RBMS3: variants seen among roughly 807,000 people sequenced by gnomAD.
RBMS3 encodes the protein RNA-binding motif, single-stranded-interacting protein 3.
RBMS3 carries 27 observed loss-of-function variants against 66.8 expected under a neutral mutation model. That is an observed-to-expected ratio of 0.40 (90% CI 0.30 to 0.56). The LOEUF (loss-of-function observed/expected upper bound fraction) is 0.56. Among genes scored for constraint, RBMS3 ranks in the 20% least tolerant of loss-of-function variants. The pLI, the probability that RBMS3 is intolerant of heterozygous loss-of-function variation, is 0.40. For missense variants in RBMS3, 513 were observed against 549.5 expected (o/e 0.93, Z 0.66); for synonymous variants, 188 against 183.0 (o/e 1.03, Z -0.22).
chr3:29,365,630 C>G (rs998182902), intron 1 of RBMS3, among the ~76,000 whole-genome samples: 1 of 152,138 alleles, frequency 6.6e-6, no homozygotes, highest in African/African-American at 2.4e-5. Context: ...AAAAGATCAC[C>G]TTTGCTCTCT....
At chr3:29,349,027 G>C (rs192555708) in intron 1 of RBMS3, among the ~76,000 whole-genome samples, 31 of 152,216 alleles carry the variant, frequency 2.0e-4, no homozygotes, top group African/African-American at 7.2e-4. Context: ...AGGAAGGTAG[G>C]GAAGTTCGTA....
At chr3:29,631,385 G>T (rs2049275945) in intron 4 of RBMS3, among the ~76,000 whole-genome samples, 1 of 151,720 alleles carries the variant, frequency 6.6e-6, no homozygotes, top group Non-Finnish European at 1.5e-5. Context: ...TATCTTGAGG[G>T]TCTCAGTCAG....
At chr3:29,564,883 AG>A (rs1257612082) in intron 3 of RBMS3, among the ~76,000 whole-genome samples, 2 of 150,814 alleles carry the variant, frequency 1.3e-5, no homozygotes, top group Non-Finnish European at 2.9e-5. Context: ...ATCAATTCCA[AG>A]AAAAAAAAAA....
chr3:29,895,997 G>T (rs1199714135), intron 8 of RBMS3, among the ~76,000 whole-genome samples: 2 of 151,076 alleles, frequency 1.3e-5, no homozygotes, highest in Non-Finnish European at 3.0e-5. Flanking sequence ...TAAATTTAAG[G>T]GTCTGGTGAG....
intron 3 of RBMS3, among the ~76,000 whole-genome samples, chr3:29,534,788 C>A (rs1044708127): frequency 2.6e-5 from 4 of 152,178 alleles, no homozygotes; most frequent in African/African-American, 7.2e-5. Flanking sequence ...TAGCTTTCAG[C>A]AGCATAGCTG....
chr3:29,905,155 T>C (rs2060346208), intron 10 of RBMS3, among the ~76,000 whole-genome samples: 1 of 151,926 alleles, frequency 6.6e-6, no homozygotes, highest in Non-Finnish European at 1.5e-5. Flanking sequence ...TGGTTTATTG[T>C]GAAAGCATCC....
intron 1 of RBMS3, among the ~76,000 whole-genome samples, chr3:29,339,726 A>G (rs1483490162): frequency 1.3e-5 from 2 of 152,168 alleles, no homozygotes; most frequent in Non-Finnish European, 2.9e-5. Context: ...ATAATATGTT[A>G]TTCACAAGTC....
At chr3:29,427,909 T>G (rs932858367) in intron 1 of RBMS3, among the ~76,000 whole-genome samples, 1 of 152,142 alleles carries the variant, frequency 6.6e-6, no homozygotes, top group Admixed American at 6.5e-5. Flanking sequence ...GGGAATTGCA[T>G]GCAAAAAATA....
intron 6 of RBMS3, among the ~76,000 whole-genome samples, chr3:29,843,748 G>A (rs899548041): frequency 1.3e-5 from 2 of 151,794 alleles, no homozygotes; most frequent in East Asian, 3.9e-4. Flanking sequence ...TGAGCCCAGG[G>A]GACCAGCCTG....
intron 4 of RBMS3, among the ~76,000 whole-genome samples, chr3:29,702,779 C>T (rs555291664): frequency 8.5e-5 from 13 of 152,300 alleles, no homozygotes; most frequent in Non-Finnish European, 1.6e-4. Flanking sequence ...AGACCACGAA[C>T]CCACCAGAAG....
intron 3 of RBMS3, among the ~76,000 whole-genome samples, chr3:29,490,627 C>G (rs1358862011): frequency 1.3e-5 from 2 of 151,918 alleles, no homozygotes; most frequent in Non-Finnish European, 2.9e-5. Flanking sequence ...AAGCCCAGGG[C>G]TACAGATGCT....
At chr3:29,633,145 A>G (rs1462683948) in intron 4 of RBMS3, among the ~76,000 whole-genome samples, 2 of 151,914 alleles carry the variant, frequency 1.3e-5, no homozygotes, top group East Asian at 3.9e-4. Context: ...CCATATATCA[A>G]TATGCAGAAA....
Position 29,936,399 on chromosome 3 carries a change from T to A in RBMS3, c.1050+203T>A, listed in dbSNP as rs939976667. Reference sequence around the variant, plus strand: ...GTACTCACAGTGGCAAGGCTAAAGTTCTATTGTGTCATTCAGTTACTTCTT... The same window carrying A: ...GTACTCACAGTGGCAAGGCTAAAGTACTATTGTGTCATTCAGTTACTTCTT... On this transcript the variant is annotated intron_variant, in intron 11 of 14. Transcript: ENST00000383767. Among the ~76,000 whole-genome samples the A allele has an allele frequency of 2.0e-5, 3 of 152,086 alleles. No homozygotes were observed. The East Asian group carries it at 5.8e-4, about 29-fold the overall frequency.
chr3:29,502,106 C>T (rs2053284), intron 3 of RBMS3, among the ~76,000 whole-genome samples: 19,971 of 151,900 alleles, frequency 0.13, 1,933 homozygotes, highest in African/African-American at 0.27. Flanking sequence ...TGCCTTTTAG[C>T]GGGACCTAAA....
chr3:29,851,306 T>C (rs2058929254), intron 6 of RBMS3, among the ~76,000 whole-genome samples: 2 of 152,314 alleles, frequency 1.3e-5, no homozygotes, highest in South Asian at 4.1e-4. Flanking sequence ...CTTCTGTTAC[T>C]GTTGAGCACA....
At chr3:29,910,898 C>T (rs2060498432) in intron 10 of RBMS3, among the ~76,000 whole-genome samples, 1 of 151,898 alleles carries the variant, frequency 6.6e-6, no homozygotes. Flanking sequence ...AGTAAAATGC[C>T]TTTAAACTTT....
Position 29,505,299 on chromosome 3 carries a change from T to C in RBMS3, c.307+16800T>C, listed in dbSNP as rs560154736. Among the ~76,000 whole-genome samples the C allele has an allele frequency of 1.3e-4, 20 of 152,100 alleles. No individual in the cohort carries two copies. In the East Asian group the frequency reaches 3.9e-3, roughly 29 times the overall value. On this transcript the variant is annotated intron_variant, in intron 3 of 14. Transcript: ENST00000383767. ...TGGACATCTAGCTGTCCCAACAATA[T>C]TTATTGAATAGACTGTCCTTTTGCT...
chr3:29,969,214 C>T (rs1697064073), intron 12 of RBMS3, among the ~76,000 whole-genome samples: 1 of 152,148 alleles, frequency 6.6e-6, no homozygotes, highest in Admixed American at 6.6e-5. Flanking sequence ...AAGATTATCC[C>T]TGGTCTGATA....
rs1294126975 is a variant in RBMS3 at position 29,691,949 on chromosome 3, A to ATTTTTTTTTTTTTTTTTTTTTTTTTTTTT, written c.400-47753_400-47752insTTTTTTTTTTTTTTTTTTTTTTTTTTTTT. ...GTGACCCTTCTCTCTCTCTCTCTCTATTTTTTTTTTTTTTTTTTGAGATGG... is the reference window on the plus strand; with the variant it reads ...GTGACCCTTCTCTCTCTCTCTCTCTATTTTTTTTTTTTTTTTTTTTTTTTTTTTTTTTTTTTTTTTTTTTTTTGAGATGG... On this transcript the variant is annotated intron_variant, in intron 4 of 14. Coordinates refer to ENST00000383767, the MANE Select transcript of RBMS3 (RefSeq NM_001003793.3). Among the ~76,000 whole-genome samples the ATTTTTTTTTTTTTTTTTTTTTTTTTTTTT allele has an allele frequency of 1.8e-4, 12 of 64,992 alleles. 4 individuals carry two copies. Among genetic ancestry groups the ATTTTTTTTTTTTTTTTTTTTTTTTTTTTT allele is most frequent in the Non-Finnish European group, 2.1e-4 (7 of 34,102 alleles). 42.6% of individuals were successfully genotyped at this position (64,992 alleles called of 152,430 possible).
Sources: allele counts gnomAD v4.1 joint callset (sites outside exome capture counted in the v4.1 genomes callset), GRCh38; gene constraint gnomAD v4.1.1; transcripts MANE v1.5; gene names NCBI Gene and HGNC (gene_info 2026-07-23, HGNC 2026-07-21).